The following SHOC2 variants were observed in gnomAD, a reference collection of about 807,000 sequenced individuals.
SHOC2 encodes SHOC2 leucine rich repeat scaffold protein, also known as leucine-rich repeat protein SHOC-2.
In SHOC2, 4 loss-of-function variants were observed where a neutral mutation model predicts 50.2. The observed-to-expected ratio is 0.08, with a 90% CI of 0.04 to 0.18. The LOEUF (loss-of-function observed/expected upper bound fraction) is 0.18. Among genes scored for constraint, SHOC2 ranks in the 10% least tolerant of loss-of-function variants. The probability of loss-of-function intolerance (pLI) is 1.00; values close to 1 mark genes in which losing one functional copy is unlikely to be tolerated. For missense variants in SHOC2, 388 were observed against 669.6 expected (o/e 0.58, Z 4.64); for synonymous variants, 218 against 244.5 (o/e 0.89, Z 1.01).
intron 1 of SHOC2, among the ~76,000 whole-genome samples, chr10:110,920,429 T>A (rs1455426629): frequency 6.6e-6 from 1 of 152,156 alleles, no homozygotes; most frequent in Non-Finnish European, 1.5e-5. Flanking sequence ...CCCCAGCACC[T>A]CAATATCCAT....
chr10:110,984,299 A>G (rs1158762073), intron 2 of SHOC2, among the ~76,000 whole-genome samples: 3 of 152,168 alleles, frequency 2.0e-5, no homozygotes, highest in Non-Finnish European at 4.4e-5. Flanking sequence ...ATATCGTTAG[A>G]GAAATATCTA....
intron 1 of SHOC2, chr10:110,936,719 T>C (rs955600675): frequency 2.1e-6 from 2 of 933,278 alleles, no homozygotes; most frequent in South Asian, 1.4e-5. Flanking sequence ...TATGAGCTCT[T>C]TCTTCTTCCG....
intron 7 of SHOC2, 81 bp from the exon 8 acceptor site, chr10:111,009,632 T>C: frequency 1.1e-6 from 1 of 906,630 alleles, no homozygotes; most frequent in East Asian, 2.6e-5. Flanking sequence ...ATTTATTTTA[T>C]TGTTTAGACA....
At chr10:110,975,525 T>C (rs1012836947) in intron 2 of SHOC2, among the ~76,000 whole-genome samples, 1 of 152,220 alleles carries the variant, frequency 6.6e-6, no homozygotes, top group Non-Finnish European at 1.5e-5. Context: ...GGCTTTCCTT[T>C]TCTTTCATGG....
intron 2 of SHOC2, among the ~76,000 whole-genome samples, chr10:110,966,547 A>G (rs1847678380): frequency 6.6e-6 from 1 of 152,090 alleles, no homozygotes; most frequent in African/African-American, 2.4e-5. Flanking sequence ...TCAGTCCTAA[A>G]AGTCTAGCTT....
intron 3 of SHOC2, among the ~76,000 whole-genome samples, chr10:110,994,941 A>G (rs981625224): frequency 6.6e-6 from 1 of 152,222 alleles, no homozygotes; most frequent in African/African-American, 2.4e-5. Flanking sequence ...TATTTGTAGA[A>G]TGATTAATTT....
rs769694427 is a variant in SHOC2, at chr10:110,985,728, G to A, written c.804G>A (p.Leu268=). 13 of 1,612,856 alleles carry A rather than the reference G, an allele frequency of 8.1e-6. No individual in the cohort carries two copies. The highest frequency in any genetic ancestry group is 1.0e-5 in the Non-Finnish European group (12 of 1,179,616). Residue 268 remains leucine, a synonymous_variant, in exon 3 of 9, where the codon TTG becomes TTA. Transcript: ENST00000369452. ...GNCTQITNLD[L]QHNELLDLPD... ...GTACACAGATAACCAACCTTGACTT[G>A]CAGCACAATGAACTGCTAGACCTCC... is the stretch of plus-strand genomic sequence containing the variant.
At chr10:110,957,627 T>C (rs953952257) in intron 1 of SHOC2, among the ~76,000 whole-genome samples, 4 of 150,064 alleles carry the variant, frequency 2.7e-5, no homozygotes, top group Non-Finnish European at 5.9e-5. Context: ...GCTTATTAGG[T>C]TCACTTTTTT....
At chr10:110,929,193 G>A (rs955688450) in intron 1 of SHOC2, among the ~76,000 whole-genome samples, 17 of 149,222 alleles carry the variant, frequency 1.1e-4, no homozygotes, top group Admixed American at 3.3e-4. Flanking sequence ...GATTGATGTG[G>A]TAAAAATAAA....
chr10:110,994,247 C>T (rs1848230969), intron 3 of SHOC2, among the ~76,000 whole-genome samples: 1 of 152,162 alleles, frequency 6.6e-6, no homozygotes, highest in African/African-American at 2.4e-5. Flanking sequence ...TTCTGCTGGC[C>T]TTGCTGTAGC....
chr10:110,970,626 G>A (rs1416449072), intron 2 of SHOC2, among the ~76,000 whole-genome samples: 8 of 151,704 alleles, frequency 5.3e-5, no homozygotes, highest in Non-Finnish European at 1.0e-4. Flanking sequence ...TTCCATAGTG[G>A]CTGTACCAAT....
intron 1 of SHOC2, among the ~76,000 whole-genome samples, chr10:110,952,659 C>G (rs1253065026): frequency 6.6e-6 from 1 of 152,066 alleles, no homozygotes; most frequent in African/African-American, 2.4e-5. Flanking sequence ...AACCTGTCGT[C>G]TAGGTTTTGA....
intron 1 of SHOC2, among the ~76,000 whole-genome samples, chr10:110,927,695 T>A (rs1397274729): frequency 6.6e-6 from 1 of 152,146 alleles, no homozygotes; most frequent in East Asian, 1.9e-4. Context: ...AATATGAGTA[T>A]TTGGGACGAG....
intron 1 of SHOC2, among the ~76,000 whole-genome samples, chr10:110,933,467 C>T (rs1259909053): frequency 2.0e-5 from 3 of 152,114 alleles, no homozygotes; most frequent in Admixed American, 6.5e-5. Context: ...ATCTTAATAG[C>T]CAGTATGTAG....
intron 1 of SHOC2, among the ~76,000 whole-genome samples, chr10:110,940,289 C>G (rs180942388): frequency 2.6e-5 from 4 of 152,118 alleles, no homozygotes; most frequent in Non-Finnish European, 5.9e-5. Flanking sequence ...TGTGTCTAAT[C>G]TTTACATTAA....
intron 1 of SHOC2, chr10:110,920,200 T>G (rs1846599808): frequency 6.6e-6 from 1 of 152,504 alleles, no homozygotes; most frequent in South Asian, 2.1e-4. Context: ...CCCGTTCTCC[T>G]CTCCCTAAAA....
At position 111,000,524 on chromosome 10, in the gene SHOC2, T is replaced by C. The variant is rs1288585320; in HGVS notation, c.951T>C (p.Asn317=). ...TTGAAGAATTAAATTTAGAGAACAATAACATTTCTACTTTACCAGAGGTAA... is the reference window on the plus strand; with the variant it reads ...TTGAAGAATTAAATTTAGAGAACAACAACATTTCTACTTTACCAGAGGTAA... ...SALEELNLEN[N]NISTLPESLL... is the part of the protein sequence containing the mutation. Residue 317 remains asparagine, a synonymous_variant, in exon 4 of 9, where the codon AAT becomes AAC. Transcript: ENST00000369452. 6.2e-7 allele frequency: 1 copy of C among 1,602,404 alleles called. No individual in the cohort carries two copies. The highest frequency in any genetic ancestry group is 1.3e-5 in the African/African-American group (1 of 74,826).
In SHOC2 at chr10:111,011,762, C is replaced by A; in HGVS notation, c.1693C>A (p.Pro565Thr). 1 of 1,613,912 alleles carries A rather than the reference C, an allele frequency of 6.2e-7. No individual in the cohort carries two copies. The highest frequency in any genetic ancestry group is 8.5e-7 in the Non-Finnish European group (1 of 1,179,928). The change falls in exon 9 of 9, where the codon CCT (proline) becomes ACT (threonine). Residue 565 changes from proline to threonine, a missense_variant. By Grantham distance (38) the Pro-to-Thr change is conservative (BLOSUM62 -1). Around this residue, in one of 5 missense-constraint regions of SHOC2, gnomAD observed 130 missense variants for 208.6 expected, o/e 0.62. Transcript: ENST00000369452. ...TCCACCTCAGATTGTTGCTGGGGGG[C>A]CTTCTTTCATCATTCAGTTCTTAAA... ...HLPPQIVAGGPSFIIQFLKMQ... is the reference protein window; with the variant it reads ...HLPPQIVAGGTSFIIQFLKMQ...
intron 1 of SHOC2, among the ~76,000 whole-genome samples, chr10:110,926,718 A>G (rs1590773851): frequency 6.6e-6 from 1 of 152,320 alleles, no homozygotes; most frequent in Middle Eastern, 3.4e-3. Context: ...AGGTTATTGG[A>G]TATTAGTAAA....
Sources: gnomAD v4.1 joint callset for allele counts (sites outside exome capture counted in the v4.1 genomes callset) on GRCh38, gnomAD v4.1.1 for gene constraint, gnomAD v4.1.1 regional missense constraint, MANE v1.5 for transcripts, NCBI Gene and HGNC (gene_info 2026-07-23, HGNC 2026-07-21) for gene names.